RARB: variants seen among roughly 807,000 people sequenced by gnomAD.
RARB encodes the protein retinoic acid receptor beta.
Under a neutral mutation model 51.9 loss-of-function variants are expected in RARB, and 17 were observed. The observed-to-expected ratio is 0.33, with a 90% CI of 0.22 to 0.49. The LOEUF (loss-of-function observed/expected upper bound fraction) is 0.49. Ranked by LOEUF, RARB falls within the 20% of genes least tolerant of loss-of-function variation. The probability of loss-of-function intolerance (pLI) is 0.99; values close to 1 mark genes in which losing one functional copy is unlikely to be tolerated. For synonymous variants in RARB, 215 were observed against 195.4 expected (o/e 1.10, Z -0.84); for missense variants, 369 against 550.8 (o/e 0.67, Z 3.30).
At chr3:25,424,190 G>C (rs79684552), upstream of RARB, among the ~76,000 whole-genome samples, 52 of 152,218 alleles carry the variant, frequency 3.4e-4, 1 homozygote, top group East Asian at 7.5e-3. Context: ...GTGTTTCTAG[G>C]GTTTCTAAGA....
At chr3:25,347,494 G>T (rs1467600885) in intron 5 of RARB, among the ~76,000 whole-genome samples, 2 of 152,032 alleles carry the variant, frequency 1.3e-5, no homozygotes, top group Admixed American at 6.5e-5. Context: ...TTGCCTTTAG[G>T]CACCCTTAGA....
At chr3:25,338,187 A>G (rs1357069807) in intron 5 of RARB, among the ~76,000 whole-genome samples, 3 of 151,902 alleles carry the variant, frequency 2.0e-5, no homozygotes, top group Non-Finnish European at 2.9e-5. Flanking sequence ...CATGAGCTAC[A>G]TTTTGGTCAC....
At chr3:25,124,523 C>G (rs1699832668) in intron 3 of RARB, among the ~76,000 whole-genome samples, 1 of 152,176 alleles carries the variant, frequency 6.6e-6, no homozygotes, top group Non-Finnish European at 1.5e-5. Flanking sequence ...ATGCAGGTCC[C>G]TCTTCACACC....
At chr3:24,933,525 G>A (rs1159834004) in intron 2 of RARB, among the ~76,000 whole-genome samples, 6 of 151,948 alleles carry the variant, frequency 3.9e-5, no homozygotes, top group Non-Finnish European at 5.9e-5. Flanking sequence ...TTGCTTTTGC[G>A]GATCTGACTT....
At chr3:24,946,516 C>G (rs1412023438) in intron 2 of RARB, among the ~76,000 whole-genome samples, 3 of 151,792 alleles carry the variant, frequency 2.0e-5, no homozygotes, top group Non-Finnish European at 2.9e-5. Context: ...GCAGATGTTT[C>G]TACTATAACA....
At chr3:24,839,696 G>A (rs1180877690) in intron 1 of RARB, among the ~76,000 whole-genome samples, 3 of 81,256 alleles carry the variant, frequency 3.7e-5, no homozygotes, top group East Asian at 4.2e-4. Flanking sequence ...GGACCAAGAC[G>A]CTGTCTCAAA....
At chr3:25,445,582 G>A (rs1575410736) in intron 1 of RARB, among the ~76,000 whole-genome samples, 1 of 152,068 alleles carries the variant, frequency 6.6e-6, no homozygotes, top group South Asian at 2.1e-4. Context: ...CAGGAGAATT[G>A]CTTGAGCCCA....
Position 25,593,532 on chromosome 3 carries a change from A to C in RARB, c.816A>C (p.Pro272=). Residue 272 remains proline, a synonymous_variant, in exon 6 of 8, where the codon CCA becomes CCC. Coordinates refer to ENST00000330688, the MANE Select transcript of RARB (RefSeq NM_000965.5). ...LILRICTRYT[P]EQDTMTFSDG... ...TTAGAATTTGCACCAGGTATACCCC[A>C]GAACAAGACACCATGACTTTCTCAG... is the stretch of plus-strand genomic sequence containing the variant. The C allele has an allele frequency of 6.2e-7, 1 of 1,614,012 alleles. No individual in the cohort carries two copies. The highest frequency in any genetic ancestry group is 8.5e-7 in the Non-Finnish European group (1 of 1,179,952).
At chr3:25,332,856 A>C (rs1333564693) in intron 5 of RARB, among the ~76,000 whole-genome samples, 1 of 152,210 alleles carries the variant, frequency 6.6e-6, no homozygotes, top group African/African-American at 2.4e-5. Context: ...ACGTGCAAAA[A>C]TCACAAGCAG....
intron 5 of RARB, among the ~76,000 whole-genome samples, chr3:25,270,200 G>C (rs923013102): frequency 1.3e-5 from 2 of 152,180 alleles, no homozygotes; most frequent in African/African-American, 2.4e-5. Flanking sequence ...AATGTTCATA[G>C]CAACTTAATA....
intron 3 of RARB, among the ~76,000 whole-genome samples, chr3:25,541,594 C>T (rs1559458707): frequency 6.6e-6 from 1 of 152,162 alleles, no homozygotes; most frequent in Non-Finnish European, 1.5e-5. Context: ...AAAGTGGATG[C>T]CCCTGACAGT....
At chr3:24,909,935 G>A (rs34733520) in intron 2 of RARB, among the ~76,000 whole-genome samples, 52,717 of 151,970 alleles carry the variant, frequency 0.35, 11,085 homozygotes, top group Non-Finnish European at 0.46. Flanking sequence ...GTAAAGTGTC[G>A]AATTTCTATA....
At position 25,596,761 on chromosome 3, in the gene RARB, C is replaced by A. The variant is rs1701853386; in HGVS notation, c.*145C>A. 4 of 674,116 alleles carry A rather than the reference C, an allele frequency of 5.9e-6. No homozygotes were observed. Among genetic ancestry groups the A allele is most frequent in the Non-Finnish European group, 9.8e-6 (4 of 409,602 alleles). The allele number at this position is 674,116 out of a possible 1,614,324, so 41.8% of individuals were successfully genotyped here. A position where few individuals can be genotyped will look rare whatever the true frequency, so the allele number is the denominator to read the frequency against. ...AGGACCAAGAAGTTTTCATATGTAT[C>A]AATATATATACTCCTCACTGTGTAA... On this transcript the variant is annotated 3_prime_UTR_variant, in exon 8 of 8. Coordinates refer to ENST00000330688, the MANE Select transcript of RARB (RefSeq NM_000965.5).
chr3:24,901,598 A>G (rs2125371926), intron 2 of RARB, among the ~76,000 whole-genome samples: 1 of 152,328 alleles, frequency 6.6e-6, no homozygotes, highest in South Asian at 2.1e-4. Flanking sequence ...TTGGTAATCA[A>G]TTCTTAAAAA....
At chr3:25,444,679 GGAA>G (rs1708850199) in intron 1 of RARB, among the ~76,000 whole-genome samples, 1 of 152,164 alleles carries the variant, frequency 6.6e-6, no homozygotes, top group Non-Finnish European at 1.5e-5. Flanking sequence ...AGTACGGGCA[GGAA>G]GATTCAATGT....
At chr3:25,051,385 T>G (rs1037612783) in intron 2 of RARB, among the ~76,000 whole-genome samples, 1 of 152,132 alleles carries the variant, frequency 6.6e-6, no homozygotes, top group Non-Finnish European at 1.5e-5. Context: ...AAAAAGAAGC[T>G]TCTAAGTACT....
intron 5 of RARB, 60 bp from the exon 6 acceptor site, chr3:25,593,443 T>C: frequency 6.8e-7 from 1 of 1,467,948 alleles, no homozygotes; most frequent in Non-Finnish European, 9.5e-7. Context: ...TGCTTACATC[T>C]GATTGATGAT....
intron 2 of RARB, among the ~76,000 whole-genome samples, chr3:24,913,613 G>T (rs1695047620): frequency 6.6e-6 from 1 of 151,956 alleles, no homozygotes; most frequent in African/African-American, 2.4e-5. Flanking sequence ...CTCAATTAGT[G>T]GACAATCAAA....
At chr3:25,456,922 C>T (rs1694950813) in intron 1 of RARB, among the ~76,000 whole-genome samples, 1 of 151,916 alleles carries the variant, frequency 6.6e-6, no homozygotes, top group South Asian at 2.1e-4. Context: ...CCAGTCACTT[C>T]CTCTTGGAAG....
Sources: gnomAD v4.1 joint callset for allele counts (sites outside exome capture counted in the v4.1 genomes callset) on GRCh38, gnomAD v4.1.1 for gene constraint, MANE v1.5 for transcripts, NCBI Gene and HGNC (gene_info 2026-07-23, HGNC 2026-07-21) for gene names.